HSP90AA1: variants seen among roughly 807,000 people sequenced by gnomAD.
The protein encoded by HSP90AA1 is heat shock protein 90 alpha family class A member 1, also known as heat shock protein HSP 90-alpha.
In HSP90AA1, 18 loss-of-function variants were observed where a neutral mutation model predicts 73.3. The ratio of observed to expected loss-of-function variants is 0.25; its 90% CI spans 0.17 to 0.36. The LOEUF is 0.36. HSP90AA1 is among the 10% of genes least tolerant of loss of function. The pLI, the probability that HSP90AA1 is intolerant of heterozygous loss-of-function variation, is 1.00. For missense variants in HSP90AA1, 704 were observed against 874.2 expected (o/e 0.81, Z 2.45); for synonymous variants, 477 against 296.9 (o/e 1.61, Z -6.24).
chr14:102,110,516 T>C (rs974233749), intron 1 of HSP90AA1, among the ~76,000 whole-genome samples: 3 of 151,768 alleles, frequency 2.0e-5, no homozygotes, highest in African/African-American at 7.3e-5. Flanking sequence ...GCCTCCCGGG[T>C]TCAAGCAATT....
Position 102,083,922 on chromosome 14 carries a change from C to G in HSP90AA1, c.1209G>C (p.Leu403Phe). 1 of 1,613,942 alleles carries G rather than the reference C, an allele frequency of 6.2e-7. No homozygotes were observed. Residue 403 changes from leucine (L) to phenylalanine (F), a missense_variant, in exon 7 of 11, where the codon TTG (leucine) becomes TTC (phenylalanine). Transcript: ENST00000216281. ...TAACTTTCAAAATTTTGCTTTGTTG[C>G]AACATCTCACGGGATATGTTTAGAG... ...DLPLNISREM[L>F]QQSKILKVIR... is the part of the protein sequence containing the mutation.
chr14:102,088,623 G>A (rs1187416581), upstream of HSP90AA1, among the ~76,000 whole-genome samples: 1 of 152,216 alleles, frequency 6.6e-6, no homozygotes, highest in Non-Finnish European at 1.5e-5. Context: ...CTGTTGCGCA[G>A]CCTGGGGGCG....
At chr14:102,128,270 T>A (rs932750379) in intron 1 of HSP90AA1, among the ~76,000 whole-genome samples, 1 of 152,058 alleles carries the variant, frequency 6.6e-6, no homozygotes, top group African/African-American at 2.4e-5. Context: ...GGTGGGTGGA[T>A]CACTTGAGGT....
intron 1 of HSP90AA1, among the ~76,000 whole-genome samples, chr14:102,113,827 C>T (rs2049673444): frequency 2.0e-5 from 3 of 152,302 alleles, no homozygotes; most frequent in Middle Eastern, 6.8e-3. Flanking sequence ...TCTCCTGCCT[C>T]AGCCTCTGGA....
At chr14:102,116,670 C>T (rs1372861507) in intron 1 of HSP90AA1, among the ~76,000 whole-genome samples, 1 of 152,204 alleles carries the variant, frequency 6.6e-6, no homozygotes, top group Non-Finnish European at 1.5e-5. Context: ...AGAGCTGTGC[C>T]TGGGGCAGTT....
At chr14:102,104,264 C>T (rs913410616) in intron 1 of HSP90AA1, among the ~76,000 whole-genome samples, 2 of 152,060 alleles carry the variant, frequency 1.3e-5, no homozygotes, top group Non-Finnish European at 2.9e-5. Flanking sequence ...GGCTGGAGTG[C>T]AACGGCAAGA....
chr14:102,095,473 G>A (rs1183132973), intron 2 of HSP90AA1, among the ~76,000 whole-genome samples: 1 of 152,154 alleles, frequency 6.6e-6, no homozygotes, highest in Non-Finnish European at 1.5e-5. Context: ...ACAGATGTGC[G>A]TGAGCCCCTC....
At chr14:102,113,743 C>T (rs2049672207) in intron 1 of HSP90AA1, among the ~76,000 whole-genome samples, 1 of 151,992 alleles carries the variant, frequency 6.6e-6, no homozygotes, top group East Asian at 1.9e-4. Flanking sequence ...CGGAGTCTCG[C>T]TCTGTCGCCC....
Position 102,081,442 on chromosome 14 carries a change from A to G in HSP90AA1, c.*270T>C. The G allele has an allele frequency of 1.9e-6, 1 of 532,086 alleles. No homozygotes were observed. The highest frequency in any genetic ancestry group is 2.2e-5 in the South Asian group (1 of 46,430). The allele number at this position is 532,086 out of a possible 1,614,324, so 33.0% of individuals were successfully genotyped here. ...GCTAAACACTTTAGACCACAAAGTT[A>G]ACATCATGTTACATACGTCTTACAG... On this transcript the variant is annotated 3_prime_UTR_variant, in exon 11 of 11. Coordinates refer to ENST00000216281, the MANE Select transcript of HSP90AA1 (RefSeq NM_005348.4).
chr14:102,114,962 G>A (rs908676460), intron 1 of HSP90AA1, among the ~76,000 whole-genome samples: 5 of 151,580 alleles, frequency 3.3e-5, no homozygotes, highest in African/African-American at 1.2e-4. Context: ...GTGAAACCCC[G>A]TCTCTACTAA....
chr14:102,135,467 G>A (rs922542030), intron 1 of HSP90AA1, among the ~76,000 whole-genome samples: 10 of 152,264 alleles, frequency 6.6e-5, no homozygotes, highest in Admixed American at 2.0e-4. Context: ...ATCCCGCACC[G>A]GGGCTGCAGG....
chr14:102,118,479 G>A (rs564533464), intron 1 of HSP90AA1, among the ~76,000 whole-genome samples: 38 of 151,740 alleles, frequency 2.5e-4, no homozygotes, highest in African/African-American at 9.2e-4. Flanking sequence ...GGATTCAAGC[G>A]ATCTGCCCAC....
chr14:102,082,914 C>A, intron 9 of HSP90AA1, 120 bp downstream of exon 9: 1 of 1,077,214 alleles, frequency 9.3e-7, no homozygotes. Flanking sequence ...CCACCGCGCC[C>A]AGCCACACAC....
At position 102,083,047 on chromosome 14, in the gene HSP90AA1, T is replaced by C. The variant is rs1290102985; in HGVS notation, c.1742A>G (p.Lys581Arg). 1 of 1,613,882 alleles carries C rather than the reference T, an allele frequency of 6.2e-7. No homozygotes were observed. Among genetic ancestry groups the C allele is most frequent in the African/African-American group, 1.3e-5 (1 of 74,944 alleles). ...LCKIMKDILE[K>R]KVEKVVVSNR... Reference sequence around the variant, plus strand: ...GTATTCACATACCTTTTCAACTTTTTTCTCCAATATGTCTTTCATGATTTT... The same window carrying C: ...GTATTCACATACCTTTTCAACTTTTCTCTCCAATATGTCTTTCATGATTTT... Residue 581 changes from lysine to arginine, a missense_variant, in exon 9 of 11, where the codon AAA becomes AGA. Physicochemically the swap from Lys to Arg is conservative, Grantham distance 26. Transcript: ENST00000216281.
chr14:102,082,628 A>G (rs572429515), intron 9 of HSP90AA1, 184 bp from the exon 10 acceptor site: 4 of 566,604 alleles, frequency 7.1e-6, no homozygotes, highest in Middle Eastern at 4.8e-4. Context: ...TACATGCACA[A>G]TTTTTTTTTT....
At position 102,081,623 on chromosome 14, in the gene HSP90AA1, T is replaced by G. The variant is rs1020266388; in HGVS notation, c.*89A>C. 1 of 772,000 alleles carries G rather than the reference T, an allele frequency of 1.3e-6. No homozygotes were observed. Among genetic ancestry groups the G allele is most frequent in the Non-Finnish European group, 2.4e-6 (1 of 419,538 alleles). 47.8% of individuals were successfully genotyped at this position (772,000 alleles called of 1,614,324 possible). Reference sequence around the variant, plus strand: ...GTCATGCCATACAGACTTTTTAATATTAACAAAAATAAAGAAAAACATCCT... The same window carrying G: ...GTCATGCCATACAGACTTTTTAATAGTAACAAAAATAAAGAAAAACATCCT... On this transcript the variant is annotated 3_prime_UTR_variant, in exon 11 of 11. Transcript: ENST00000216281.
chr14:102,095,545 C>T (rs1011133399), intron 2 of HSP90AA1, among the ~76,000 whole-genome samples: 5 of 152,148 alleles, frequency 3.3e-5, no homozygotes, highest in Admixed American at 1.3e-4. Flanking sequence ...CTGTTCTAGT[C>T]GGGGAGGGAC....
At chr14:102,091,015 A>G (rs561062504), upstream of HSP90AA1, among the ~76,000 whole-genome samples, 64 of 152,362 alleles carry the variant, frequency 4.2e-4, no homozygotes, top group Non-Finnish European at 8.5e-4. Context: ...TATCTGTAGC[A>G]TAGACATGAA....
At chr14:102,102,606 A>C (rs1017132051) in intron 1 of HSP90AA1, among the ~76,000 whole-genome samples, 1 of 152,208 alleles carries the variant, frequency 6.6e-6, no homozygotes, top group African/African-American at 2.4e-5. Flanking sequence ...TCCCTGTTCC[A>C]CACTCTGTAT....
Sources: allele counts gnomAD v4.1 joint callset (sites outside exome capture counted in the v4.1 genomes callset), GRCh38; gene constraint gnomAD v4.1.1; transcripts MANE v1.5; gene names NCBI Gene and HGNC (gene_info 2026-07-23, HGNC 2026-07-21).